DLG2: variants seen among roughly 807,000 people sequenced by gnomAD.
DLG2 encodes the protein discs large MAGUK scaffold protein 2, also known as disks large homolog 2.
A neutral mutation model predicts 132.5 loss-of-function variants in DLG2; 45 were observed. The observed-to-expected ratio is 0.34, with a 90% CI of 0.27 to 0.44. The LOEUF (loss-of-function observed/expected upper bound fraction) is 0.44. Ranked by LOEUF, DLG2 falls within the 20% of genes least tolerant of loss-of-function variation. The pLI is 1.00. For missense variants in DLG2, 1,045 were observed against 1,196.9 expected, an observed-to-expected ratio of 0.87 and a Z score of 1.87; for synonymous variants, 424 against 419.6, an observed-to-expected ratio of 1.01 and a Z score of -0.13.
intron 6 of DLG2, among the ~76,000 whole-genome samples, chr11:84,991,474 A>G (rs962604223): frequency 6.8e-6 from 1 of 146,080 alleles, no homozygotes; most frequent in East Asian, 2.1e-4. Flanking sequence ...ACACCACTAC[A>G]TTTCAGCCTG....
At chr11:85,020,254 A>G (rs1415499891) in intron 6 of DLG2, among the ~76,000 whole-genome samples, 3 of 152,184 alleles carry the variant, frequency 2.0e-5, no homozygotes, top group Admixed American at 2.0e-4. Context: ...TGTTGGCTGC[A>G]TAAATGTCTT....
intron 9 of DLG2, among the ~76,000 whole-genome samples, chr11:84,101,615 C>T (rs1227553388): frequency 6.6e-6 from 1 of 151,908 alleles, no homozygotes; most frequent in African/African-American, 2.4e-5. Flanking sequence ...AAGTATGTAG[C>T]CATGGAGATA....
chr11:85,194,536 G>C (rs2080882357), intron 4 of DLG2, among the ~76,000 whole-genome samples: 1 of 152,046 alleles, frequency 6.6e-6, no homozygotes, highest in African/African-American at 2.4e-5. Flanking sequence ...AAAGGGCCCA[G>C]AAGTCTCAGA....
At chr11:83,892,321 C>A (rs889206251) in intron 15 of DLG2, among the ~76,000 whole-genome samples, 1 of 152,138 alleles carries the variant, frequency 6.6e-6, no homozygotes, top group Non-Finnish European at 1.5e-5. Flanking sequence ...AATAAGTTAG[C>A]GCTTTCCTCT....
intron 6 of DLG2, among the ~76,000 whole-genome samples, chr11:84,595,446 T>C (rs1216185011): frequency 1.3e-5 from 2 of 151,808 alleles, no homozygotes; most frequent in Middle Eastern, 3.4e-3. Flanking sequence ...ACTTAGTCAT[T>C]GTCAGAGCTA....
chr11:85,408,262 G>A (rs888124494), intron 3 of DLG2, among the ~76,000 whole-genome samples: 1 of 149,854 alleles, frequency 6.7e-6, no homozygotes, highest in Non-Finnish European at 1.5e-5. Flanking sequence ...ACTTATTGCT[G>A]TGTAACCGTC....
At chr11:83,472,464 C>T (rs1237729233) in intron 23 of DLG2, among the ~76,000 whole-genome samples, 1 of 152,090 alleles carries the variant, frequency 6.6e-6, no homozygotes, top group Non-Finnish European at 1.5e-5. Flanking sequence ...GAATGTGTTC[C>T]TTCCCATTGA....
chr11:83,703,581 A>G (rs144568189), intron 18 of DLG2, among the ~76,000 whole-genome samples: 1,895 of 152,328 alleles, frequency 0.012, 49 homozygotes, highest in African/African-American at 0.04. Context: ...CCTGGGAGGC[A>G]GAGGTTGCAG....
chr11:84,784,143 CAAAAAAAAAAA>C (rs59301159), intron 6 of DLG2, among the ~76,000 whole-genome samples: 3 of 8,658 alleles, frequency 3.5e-4, no homozygotes, highest in Non-Finnish European at 5.7e-4. Flanking sequence ...ACTAAAAATG[CAAAAAAAAAAA>C]AAAAAAAAAA....
At chr11:85,439,197 G>C (rs780986888) in intron 3 of DLG2, among the ~76,000 whole-genome samples, 1 of 152,040 alleles carries the variant, frequency 6.6e-6, no homozygotes, top group Non-Finnish European at 1.5e-5. Flanking sequence ...CGTTTTATAA[G>C]AAAGTATTCA....
At chr11:84,374,776 A>G (rs192988857) in intron 7 of DLG2, among the ~76,000 whole-genome samples, 1 of 151,948 alleles carries the variant, frequency 6.6e-6, no homozygotes, top group Admixed American at 6.6e-5. Context: ...CTATATCAAA[A>G]CCTTTGCTGG....
intron 8 of DLG2, among the ~76,000 whole-genome samples, chr11:84,214,001 C>T (rs1331151756): frequency 1.3e-5 from 2 of 151,120 alleles, no homozygotes; most frequent in Non-Finnish European, 2.9e-5. Context: ...ATATGTTTGG[C>T]TCTGCTGATC....
At chr11:84,673,530 T>C (rs979125322) in intron 6 of DLG2, among the ~76,000 whole-genome samples, 36 of 151,042 alleles carry the variant, frequency 2.4e-4, no homozygotes, top group African/African-American at 6.8e-4. Flanking sequence ...GATATTATTA[T>C]CTGGATTATT....
chr11:85,150,188 T>A (rs1413423454), intron 5 of DLG2, among the ~76,000 whole-genome samples: 2 of 151,634 alleles, frequency 1.3e-5, no homozygotes, highest in Non-Finnish European at 2.9e-5. Flanking sequence ...CTCGGCTAAT[T>A]TTTTTGTATT....
intron 19 of DLG2, among the ~76,000 whole-genome samples, chr11:83,577,605 ATATAT>A (rs779147399): frequency 0.011 from 1,306 of 118,010 alleles, 16 homozygotes; most frequent in Non-Finnish European, 0.016. Flanking sequence ...ATAATAGGAT[ATATAT>A]TATAACATAT....
chr11:85,208,314 A>T (rs2082035681), intron 4 of DLG2, among the ~76,000 whole-genome samples: 1 of 152,170 alleles, frequency 6.6e-6, no homozygotes, highest in Non-Finnish European at 1.5e-5. Flanking sequence ...ACTGTGACAA[A>T]GGATAGCATG....
chr11:84,444,058 T>C (rs1379121296), intron 7 of DLG2, among the ~76,000 whole-genome samples: 1 of 152,128 alleles, frequency 6.6e-6, no homozygotes, highest in East Asian at 1.9e-4. Context: ...CTTGTCCTTT[T>C]CAGGGACATG....
intron 7 of DLG2, among the ~76,000 whole-genome samples, chr11:84,498,537 T>A (rs1412512613): frequency 6.6e-6 from 1 of 152,062 alleles, no homozygotes; most frequent in African/African-American, 2.4e-5. Context: ...ACCTAAATAA[T>A]ATGCTAAAAC....
chr11:83,591,800 GAT>G (rs1040803996), intron 19 of DLG2, among the ~76,000 whole-genome samples: 8 of 152,040 alleles, frequency 5.3e-5, no homozygotes, highest in African/African-American at 1.9e-4. Context: ...AAAGTCTCAG[GAT>G]ACAAAATCAA....
Sources: allele counts gnomAD v4.1 joint callset (sites outside exome capture counted in the v4.1 genomes callset), GRCh38; gene constraint gnomAD v4.1.1; transcripts MANE v1.5; gene names NCBI Gene and HGNC (gene_info 2026-07-23, HGNC 2026-07-21).